BACE2: variants seen among roughly 807,000 people sequenced by gnomAD.
The protein encoded by BACE2 is beta-secretase 2.
A neutral mutation model predicts 46.2 loss-of-function variants in BACE2; 17 were observed. The ratio of observed to expected loss-of-function variants is 0.37; its 90% confidence interval spans 0.25 to 0.55. The LOEUF is 0.55. Among genes scored for constraint, BACE2 ranks in the 20% least tolerant of loss-of-function variants. The pLI is 0.82. For synonymous variants in BACE2, 277 were observed against 295.9 expected (o/e 0.94, Z 0.66); for missense variants, 595 against 698.1 (o/e 0.85, Z 1.66).
intron 8 of BACE2, among the ~76,000 whole-genome samples, chr21:41,268,021 T>G (rs932417854): frequency 1.3e-5 from 2 of 152,290 alleles, no homozygotes; most frequent in African/African-American, 4.8e-5. Context: ...ATCCTGACCT[T>G]TCAGAGAAAA....
At chr21:41,188,082 G>C (rs1601250394) in intron 1 of BACE2, among the ~76,000 whole-genome samples, 1 of 152,280 alleles carries the variant, frequency 6.6e-6, no homozygotes, top group East Asian at 1.9e-4. Flanking sequence ...CTGTAGTCCA[G>C]GGGCAACTTC....
At chr21:41,192,990 T>C (rs1985626102) in intron 1 of BACE2, among the ~76,000 whole-genome samples, 1 of 152,242 alleles carries the variant, frequency 6.6e-6, no homozygotes, top group Admixed American at 6.5e-5. Flanking sequence ...CCCTGAATTT[T>C]AGTCATATTT....
chr21:41,255,720 G>A (rs1192244713), intron 7 of BACE2, among the ~76,000 whole-genome samples: 1 of 152,100 alleles, frequency 6.6e-6, no homozygotes, highest in African/African-American at 2.4e-5. Flanking sequence ...AGATGGACAT[G>A]AGGACTAAAC....
chr21:41,205,809 C>T (rs1986105200), intron 1 of BACE2, among the ~76,000 whole-genome samples: 1 of 152,136 alleles, frequency 6.6e-6, no homozygotes, highest in South Asian at 2.1e-4. Flanking sequence ...CCTGGTCTTC[C>T]GTCTTAACAT....
chr21:41,193,633 C>A lies in BACE2; in HGVS notation c.312+25058C>A, dbSNP rs1181505459. ...GCCTTTCTCACCATAATAGTCCACACCCTACCAGTCAGGGAGCCAGTGTGG... is the reference window on the plus strand; with the variant it reads ...GCCTTTCTCACCATAATAGTCCACAACCTACCAGTCAGGGAGCCAGTGTGG... On this transcript the variant is annotated intron_variant, in intron 1 of 8. Coordinates refer to ENST00000330333, the MANE Select transcript of BACE2 (RefSeq NM_012105.5). This position sits in a 1 kb window ranked among gnomAD's most constrained non-coding sequence, Gnocchi z 4.2. Among the ~76,000 whole-genome samples, 1 of 152,230 alleles carries A rather than the reference C, an allele frequency of 6.6e-6. No homozygotes were observed. Among genetic ancestry groups the A allele is most frequent in the Non-Finnish European group, 1.5e-5 (1 of 68,042 alleles).
chr21:41,179,885 G>T (rs1238154248), intron 1 of BACE2: 4 of 382,242 alleles, frequency 1.0e-5, no homozygotes, highest in East Asian at 7.3e-5. Context: ...TGATCCCAGT[G>T]ATGCAGGACA....
rs552695301 is a variant in BACE2 at position 41,275,034 on chromosome 21, G to T, written c.1304-337G>T. Among the ~76,000 whole-genome samples, 5 of 152,294 alleles carry T rather than the reference G, an allele frequency of 3.3e-5. No individual in the cohort carries two copies. In the East Asian group the frequency reaches 9.7e-4, roughly 29 times the overall value. On this transcript the variant is annotated intron_variant, in intron 8 of 8. Coordinates refer to ENST00000330333, the MANE Select transcript of BACE2 (RefSeq NM_012105.5). ...CAACCCACACAGCTGTCATGACCAG[G>T]TGCTGACCTGCACTCTCACCTGTGT... is the stretch of plus-strand genomic sequence containing the variant.
chr21:41,227,303 G>A (rs1455368815), intron 2 of BACE2, among the ~76,000 whole-genome samples: 4 of 152,264 alleles, frequency 2.6e-5, no homozygotes, highest in East Asian at 1.9e-4. Flanking sequence ...CTAGAGGCTC[G>A]GAACTGTCAC....
rs771012836 is a variant in BACE2 at position 41,250,873 on chromosome 21, G to T, written c.1106G>T (p.Arg369Met). Residue 369 changes from arginine to methionine, a missense_variant, in exon 7 of 9, where the codon AGG becomes ATG. Physicochemically the swap from Arg to Met is moderately conservative, Grantham distance 91 (BLOSUM62 -1). Transcript: ENST00000330333. ...SIYLRDENSS[R>M]SFRITILPQL... ...TACCTGAGAGACGAGAACTCCAGCA[G>T]GTCATTCCGTATCACAATCCTGCCT... The T allele has an allele frequency of 1.9e-6, 3 of 1,614,046 alleles. No individual in the cohort carries two copies. In the African/African-American group the frequency reaches 4.0e-5, roughly 22 times the overall value.
intron 1 of BACE2, among the ~76,000 whole-genome samples, chr21:41,194,658 C>T (rs730514): frequency 0.3 from 44,985 of 152,006 alleles, 7,256 homozygotes; most frequent in African/African-American, 0.42. Flanking sequence ...GTGATGCTGT[C>T]GCTGATGTTT....
At position 41,174,420 on chromosome 21, in the gene BACE2, C is replaced by T. The variant is rs185103078; in HGVS notation, c.312+5845C>T. Among the ~76,000 whole-genome samples, 77 of 152,092 alleles carry T rather than the reference C, an allele frequency of 5.1e-4. 2 individuals carry two copies. The highest frequency in any genetic ancestry group is 1.7e-3 in the African/African-American group (72 of 41,480). On this transcript the variant is annotated intron_variant, in intron 1 of 8. Transcript: ENST00000330333. ...CCTCCCAAAGTGCTAGGATTACAGG[C>T]GTGAGCCACCGCGCGGCCAAGTGGC...
intron 1 of BACE2, among the ~76,000 whole-genome samples, chr21:41,196,231 G>C (rs1985726635): frequency 6.6e-6 from 1 of 152,030 alleles, no homozygotes; most frequent in African/African-American, 2.4e-5. Flanking sequence ...CTGGGAGGCA[G>C]AGGTTTCAGT....
chr21:41,172,267 G>T (rs1254060586), intron 1 of BACE2, among the ~76,000 whole-genome samples: 7 of 152,232 alleles, frequency 4.6e-5, no homozygotes, highest in African/African-American at 1.4e-4. Context: ...GACTGGGAAA[G>T]GTGAGCCAAG....
chr21:41,200,828 C>T (rs1436636247), intron 1 of BACE2, among the ~76,000 whole-genome samples: 4 of 152,214 alleles, frequency 2.6e-5, no homozygotes, highest in Non-Finnish European at 5.9e-5. Flanking sequence ...CACCTGCCCA[C>T]ACCTTGATCT....
In BACE2 at chr21:41,275,671, A is replaced by T. The variant is rs1264649391; in HGVS notation, c.*47A>T. 1 of 1,598,382 alleles carries T rather than the reference A, an allele frequency of 6.3e-7. No homozygotes were observed. Among genetic ancestry groups the T allele is most frequent in the African/African-American group, 1.3e-5 (1 of 74,508 alleles). On this transcript the variant is annotated 3_prime_UTR_variant, in exon 9 of 9. Transcript: ENST00000330333. ...CAACCATGAACTCAGCTATTAAGAAAATCACATTTCCAGGGCAGCAGCCGG... is the reference window on the plus strand; with the variant it reads ...CAACCATGAACTCAGCTATTAAGAATATCACATTTCCAGGGCAGCAGCCGG...
intron 1 of BACE2, among the ~76,000 whole-genome samples, chr21:41,213,440 A>G (rs1376058194): frequency 6.6e-6 from 1 of 151,966 alleles, no homozygotes; most frequent in Admixed American, 6.5e-5. Context: ...ATCAAAACAA[A>G]ATAAGGAATA....
chr21:41,192,953 C>G (rs1985624840), intron 1 of BACE2, among the ~76,000 whole-genome samples: 1 of 152,194 alleles, frequency 6.6e-6, no homozygotes, highest in Non-Finnish European at 1.5e-5. Context: ...CCACTGGACC[C>G]CTAGAAATTT....
rs993174419 is a variant in BACE2, at chr21:41,168,335, G to T, written c.72G>T (p.Leu24=). 6 of 1,360,256 alleles carry T rather than the reference G, an allele frequency of 4.4e-6. 1 individual carries two copies. In the Admixed American group the frequency reaches 9.4e-5, roughly 21 times the overall value. The allele number at this position is 1,360,256 out of a possible 1,614,324, so 84.3% of individuals were successfully genotyped here. A position where few individuals can be genotyped will look rare whatever the true frequency, so the allele number is the denominator to read the frequency against. The change falls in exon 1 of 9, where the codon CTG becomes CTT. Residue 24 remains leucine (L), a synonymous_variant. Transcript: ENST00000330333. ...AQWLLRAAPE[L]APAPFTLPLR... is the part of the protein sequence containing the mutation. ...GGCTCCTGCGCGCCGCCCCGGAGCT[G>T]GCCCCCGCGCCCTTCACGCTGCCCC...
At position 41,279,368 on chromosome 21, in the gene BACE2, G is replaced by A. The variant is rs1348131798; in HGVS notation, c.*3744G>A. The A allele has an allele frequency of 6.6e-6, 1 of 152,210 alleles. No homozygotes were observed. Among genetic ancestry groups the A allele is most frequent in the African/African-American group, 2.4e-5 (1 of 41,452 alleles). The allele number at this position is 152,210 out of a possible 1,614,324, so 9.4% of individuals were successfully genotyped here. On this transcript the variant is annotated 3_prime_UTR_variant, in exon 9 of 9. Coordinates refer to ENST00000330333, the MANE Select transcript of BACE2 (RefSeq NM_012105.5). Reference sequence around the variant, plus strand: ...CCCAGCACTTTGGGAGGCCGAGGCAGGTGGATCACCTGAGGTCAGGAGTTT... The same window carrying A: ...CCCAGCACTTTGGGAGGCCGAGGCAAGTGGATCACCTGAGGTCAGGAGTTT...
Sources: allele counts gnomAD v4.1 joint callset (sites outside exome capture counted in the v4.1 genomes callset), GRCh38; gene constraint gnomAD v4.1.1; non-coding constraint Gnocchi (gnomAD v3.1); transcripts MANE v1.5; gene names NCBI Gene and HGNC (gene_info 2026-07-23, HGNC 2026-07-21).